The following EGF variants were observed in gnomAD, a reference collection of about 807,000 sequenced individuals.
EGF encodes epidermal growth factor.
A neutral mutation model predicts 143.8 loss-of-function variants in EGF; 95 were observed. The observed-to-expected ratio is 0.66, with a 90% CI of 0.56 to 0.78. The LOEUF (loss-of-function observed/expected upper bound fraction) is 0.78. Ranked by LOEUF, EGF falls within the 30% of genes least tolerant of loss-of-function variation. The probability of loss-of-function intolerance (pLI) is 0.00; values close to 1 mark genes in which losing one functional copy is unlikely to be tolerated. For missense variants in EGF, 1,320 were observed against 1,470.9 expected (o/e 0.90, Z 1.68); for synonymous variants, 510 against 510.5 (o/e 1.00, Z 0.01).
rs144194113 is a variant in EGF, at chr4:109,936,790, G to A, written c.128-4156G>A. Among the ~76,000 whole-genome samples the A allele has an allele frequency of 0.013, 1,987 of 152,060 alleles. 208 individuals are homozygous for A. In the East Asian group the frequency reaches 0.23, roughly 18 times the overall value. On this transcript the variant is annotated intron_variant, in intron 1 of 23. Coordinates refer to ENST00000265171, the MANE Select transcript of EGF (RefSeq NM_001963.6). ...ACTTATTTATTTCTCCCTTAATTTC[G>A]TTATTTACCCAGTAGTCATTCAGGA...
chr4:109,958,387 A>G (rs11568922), intron 5 of EGF, among the ~76,000 whole-genome samples: 3 of 152,156 alleles, frequency 2.0e-5, no homozygotes, highest in African/African-American at 4.8e-5. Flanking sequence ...GAAAATCCCA[A>G]TGGTACAAAA....
chr4:110,000,495 A>G (rs1405857696), intron 21 of EGF, among the ~76,000 whole-genome samples: 1 of 152,160 alleles, frequency 6.6e-6, no homozygotes, highest in African/African-American at 2.4e-5. Flanking sequence ...GCTGCCTTCC[A>G]TTGAGTTGAT....
intron 1 of EGF, among the ~76,000 whole-genome samples, chr4:109,938,696 T>TC (rs1741348885): frequency 6.6e-6 from 1 of 152,154 alleles, no homozygotes; most frequent in African/African-American, 2.4e-5. Context: ...ACGGATGGGG[T>TC]TTTGATGTGG....
intron 1 of EGF, among the ~76,000 whole-genome samples, chr4:109,932,334 T>A (rs1039348139): frequency 9.7e-5 from 14 of 144,468 alleles, no homozygotes; most frequent in Non-Finnish European, 1.7e-4. Context: ...CTTTTTTTTT[T>A]TTTACATGAA....
At chr4:109,953,865 G>A (rs952714092) in intron 5 of EGF, among the ~76,000 whole-genome samples, 1 of 152,122 alleles carries the variant, frequency 6.6e-6, no homozygotes, top group South Asian at 2.1e-4. Flanking sequence ...CAATGGTAGT[G>A]GAGGCATATA....
At position 109,968,961 on chromosome 4, in the gene EGF, T is replaced by A; in HGVS notation, c.1576-10T>A. The A allele has an allele frequency of 6.2e-7, 1 of 1,614,120 alleles. No homozygotes were observed. Among genetic ancestry groups the A allele is most frequent in the Admixed American group, 1.7e-5 (1 of 60,018 alleles). ...AAAAAAATCAGAAATGCCTGTGTTC[T>A]CTTTTGTAGATATACTTTGCCCATA... On this transcript the variant is annotated splice_polypyrimidine_tract_variant and intron_variant, in intron 10 of 23. Transcript: ENST00000265171.
At chr4:109,946,303 G>A (rs868203871) in intron 5 of EGF, among the ~76,000 whole-genome samples, 2 of 152,230 alleles carry the variant, frequency 1.3e-5, no homozygotes, top group South Asian at 2.1e-4. Flanking sequence ...TTGCACTTAG[G>A]TTGAAGTTCA....
intron 13 of EGF, among the ~76,000 whole-genome samples, chr4:109,977,761 G>A (rs1015878788): frequency 5.3e-5 from 8 of 152,114 alleles, no homozygotes. Context: ...GATCACTTGA[G>A]CCTGGGATGT....
In EGF at chr4:109,913,318, T is replaced by C. The variant is rs763336321; in HGVS notation, c.-18T>C. ...AAATCAAGCTGTTTTCTTTTGAAAG[T>C]TCAAACTCATCAAGATTATGCTGCT... On this transcript the variant is annotated 5_prime_UTR_variant, in exon 1 of 24. Coordinates refer to ENST00000265171, the MANE Select transcript of EGF (RefSeq NM_001963.6). The C allele has an allele frequency of 5.0e-6, 8 of 1,613,272 alleles. No homozygotes were observed. In the African/African-American group the frequency reaches 1.1e-4, roughly 22 times the overall value.
Position 109,945,104 on chromosome 4 carries a change from G to T in EGF, c.769G>T (p.Asp257Tyr). ...HNLFAMSLFG[D>Y]RIFYSTWKMK... ...TTTGTTTGCAATGTCCCTTTTTGGT[G>T]ACCGTATCTTCTATTCAACATGGAA... is the stretch of plus-strand genomic sequence containing the variant. The change falls in exon 5 of 24, where the codon GAC becomes TAC. Residue 257 changes from aspartate to tyrosine, a missense_variant. Around this residue, in one of 5 missense-constraint regions of EGF, gnomAD observed 1,186 missense variants for 1,313.7 expected, o/e 0.90. Coordinates refer to ENST00000265171, the MANE Select transcript of EGF (RefSeq NM_001963.6). The T allele has an allele frequency of 1.2e-6, 2 of 1,613,982 alleles. No homozygotes were observed. The highest frequency in any genetic ancestry group is 1.1e-5 in the South Asian group (1 of 91,034).
At chr4:109,935,900 C>T (rs12506078) in intron 1 of EGF, among the ~76,000 whole-genome samples, 5,738 of 152,080 alleles carry the variant, frequency 0.038, 314 homozygotes, top group East Asian at 0.18. Flanking sequence ...GAAGCCAACT[C>T]GGTCGTGGTG....
In EGF at chr4:109,976,245, T is replaced by C. The variant is rs925606799; in HGVS notation, c.2053+10T>C. On this transcript the variant is annotated intron_variant, in intron 13 of 23. Coordinates refer to ENST00000265171, the MANE Select transcript of EGF (RefSeq NM_001963.6). ...ACCCAGAATGATGTAGGTGAGGCTT[T>C]GGGATGGGCGATTTTTTCATCTTGA... 1 of 1,611,418 alleles carries C rather than the reference T, an allele frequency of 6.2e-7. No individual in the cohort carries two copies.
At chr4:109,969,157 G>C (rs777483503) in intron 11 of EGF, 38 bp downstream of exon 11, 7 of 1,613,066 alleles carry the variant, frequency 4.3e-6, no homozygotes, top group Middle Eastern at 1.6e-4. Context: ...GTGTGAGATG[G>C]GAGTGATGGG....
intron 11 of EGF, 80 bp downstream of exon 11, chr4:109,969,199 T>C (rs1747169216): frequency 6.3e-6 from 10 of 1,589,366 alleles, no homozygotes; most frequent in East Asian, 2.2e-5. Flanking sequence ...ATCTTCCACT[T>C]TGAACACAGA....
intron 18 of EGF, among the ~76,000 whole-genome samples, chr4:109,991,226 T>G (rs1750890848): frequency 6.9e-6 from 1 of 145,570 alleles, no homozygotes; most frequent in Non-Finnish European, 1.5e-5. Context: ...TTAATATCAG[T>G]GTAAAAATTA....
intron 1 of EGF, among the ~76,000 whole-genome samples, chr4:109,930,960 G>T (rs1306144642): frequency 6.6e-6 from 1 of 151,962 alleles, no homozygotes; most frequent in Non-Finnish European, 1.5e-5. Context: ...GCTGCCTTAA[G>T]GTTTGTGTTC....
intron 5 of EGF, among the ~76,000 whole-genome samples, chr4:109,957,253 CA>C (rs888620882): frequency 2.6e-5 from 4 of 152,152 alleles, no homozygotes; most frequent in African/African-American, 9.7e-5. Context: ...ATCAACACAC[CA>C]AAACTAACTT....
chr4:109,943,350 G>A lies in EGF; in HGVS notation c.424G>A (p.Val142Ile). The A allele has an allele frequency of 6.2e-7, 1 of 1,613,194 alleles. No homozygotes were observed. The highest frequency in any genetic ancestry group is 8.5e-7 in the Non-Finnish European group (1 of 1,179,352). Reference protein sequence around the residue: ...WSNQQEGIITVTDMKGNNSHI... With the variant: ...WSNQQEGIITITDMKGNNSHI... ...AAATCAACAGGAAGGAATCATTACA[G>A]TAACAGATATGAAAGGAAATAATTC... Residue 142 changes from valine (V) to isoleucine (I), a missense_variant, in exon 3 of 24, where the codon GTA becomes ATA. Val to Ile is a conservative substitution (Grantham distance 29). This residue lies in a region of EGF where 1,186 missense variants were observed against 1,313.7 expected (regional missense o/e 0.90). Transcript: ENST00000265171.
intron 10 of EGF, among the ~76,000 whole-genome samples, chr4:109,966,070 AG>A (rs1365104204): frequency 6.6e-6 from 1 of 151,854 alleles, no homozygotes; most frequent in African/African-American, 2.4e-5. Context: ...AAATTTTTAT[AG>A]GTTTAGGGGT....
Sources: gnomAD v4.1 joint callset for allele counts (sites outside exome capture counted in the v4.1 genomes callset) on GRCh38, gnomAD v4.1.1 for gene constraint, gnomAD v4.1.1 regional missense constraint, MANE v1.5 for transcripts, NCBI Gene and HGNC (gene_info 2026-07-23, HGNC 2026-07-21) for gene names.